Variants in RHCG observed in about 807,000 individuals in gnomAD.
RHCG encodes Rh family C glycoprotein, also known as ammonium transporter Rh type C.
Under a neutral mutation model 55.3 loss-of-function variants are expected in RHCG, and 39 were observed. That is an observed-to-expected ratio of 0.70 (90% CI 0.55 to 0.92). RHCG has a LOEUF of 0.92. RHCG is among the 40% of genes least tolerant of loss of function. The pLI, the probability that RHCG is intolerant of heterozygous loss-of-function variation, is 0.00. For missense variants in RHCG, 635 were observed against 627.9 expected (o/e 1.01, Z -0.12); for synonymous variants, 250 against 246.8 (o/e 1.01, Z -0.12).
intron 1 of RHCG, among the ~76,000 whole-genome samples, chr15:89,491,092 G>T (rs1891259452): frequency 6.6e-6 from 1 of 152,166 alleles, no homozygotes; most frequent in Non-Finnish European, 1.5e-5. Flanking sequence ...TGCTGGCAGG[G>T]GCGAAGCTGA....
rs756585883 is a variant in RHCG, at chr15:89,477,545, C to T, written c.1084G>A (p.Ala362Thr). The T allele has an allele frequency of 4.8e-5, 77 of 1,613,860 alleles. No homozygotes were observed. The highest frequency in any genetic ancestry group is 5.2e-5 in the Non-Finnish European group (61 of 1,180,010). ...TCTTTTCCATAGACTTCAAGGCTGG[C>T]GGAGGCCGCTGTCACAGCACCCACG... ...GIVGAVTAAS[A>T]SLEVYGKEGL... Residue 362 changes from alanine to threonine, a missense_variant, in exon 7 of 11, where the codon GCC (alanine) becomes ACC (threonine). Transcript: ENST00000268122. The surrounding 1 kb of genome is among the most constrained non-coding windows in gnomAD (Gnocchi z 4.5).
intron 1 of RHCG, among the ~76,000 whole-genome samples, chr15:89,494,988 C>A (rs201525412): frequency 3.3e-5 from 5 of 152,230 alleles, no homozygotes; most frequent in African/African-American, 1.2e-4. Context: ...GAAAGTCCCC[C>A]CCTTGAGGAG....
intron 9 of RHCG, among the ~76,000 whole-genome samples, chr15:89,473,769 C>T (rs1961082808): frequency 1.3e-5 from 2 of 152,196 alleles, no homozygotes; most frequent in African/African-American, 4.8e-5. Context: ...GGGACTTGAG[C>T]ATCCCCGCAA....
At position 89,483,192 on chromosome 15, in the gene RHCG, C is replaced by A. The variant is rs768481114; in HGVS notation, c.397G>T (p.Ala133Ser). The A allele has an allele frequency of 3.8e-6, 6 of 1,584,166 alleles. No individual in the cohort carries two copies. In the Admixed American group the frequency reaches 1.0e-4, roughly 27 times the overall value. Residue 133 changes from alanine (A) to serine (S), a missense_variant, in exon 3 of 11, where the codon GCC becomes TCC. Physicochemically the swap from Ala to Ser is moderately conservative, Grantham distance 99. Coordinates refer to ENST00000268122, the MANE Select transcript of RHCG (RefSeq NM_016321.3). ...GCCCCAAAGGCCACGCAGACAGAGG[C>A]CACGCAGAAGTCAGCGTTGATGAGG... is the stretch of plus-strand genomic sequence containing the variant. Reference protein sequence around the residue: ...ENLINADFCVASVCVAFGAVL... With the variant: ...ENLINADFCVSSVCVAFGAVL...
At chr15:89,481,311 A>G (rs753372882) in intron 3 of RHCG, among the ~76,000 whole-genome samples, 1 of 152,150 alleles carries the variant, frequency 6.6e-6, no homozygotes, top group Non-Finnish European at 1.5e-5. Context: ...TTAGCTGAGC[A>G]TGGTGGTGTG....
At chr15:89,493,299 C>T (rs1961509987) in intron 1 of RHCG, among the ~76,000 whole-genome samples, 1 of 152,220 alleles carries the variant, frequency 6.6e-6, no homozygotes, top group Non-Finnish European at 1.5e-5. Flanking sequence ...AGCGGTTCAC[C>T]CAGACCCTGG....
Position 89,477,219 on chromosome 15 carries a change from CA to C in RHCG, c.1113-14del, listed in dbSNP as rs777923947. ...GGAATGGACAAGCCTGGGGTGGAGA[CA>C]GGGGGCAGGTCAGGGCCCCATGGAG... On this transcript the variant is annotated splice_polypyrimidine_tract_variant and intron_variant, in intron 7 of 10. Coordinates refer to ENST00000268122, the MANE Select transcript of RHCG (RefSeq NM_016321.3). This position sits in a 1 kb window ranked among gnomAD's most constrained non-coding sequence, Gnocchi z 4.5. 18 of 1,613,742 alleles carry C rather than the reference CA, an allele frequency of 1.1e-5. No homozygotes were observed. Among genetic ancestry groups the C allele is most frequent in the Non-Finnish European group, 1.4e-5 (17 of 1,179,944 alleles).
chr15:89,474,768 T>TCCTTCCTTCCTGCCTG, intron 9 of RHCG, among the ~76,000 whole-genome samples: 1 of 118,458 alleles, frequency 8.4e-6, no homozygotes, highest in South Asian at 2.5e-4. Context: ...CTTCCTGCCT[T>TCCTTCCTTCCTGCCTG]CCTTCCTTCC....
chr15:89,486,651 T>TCTCAAG, intron 2 of RHCG, 148 bp downstream of exon 2: 1 of 671,784 alleles, frequency 1.5e-6, no homozygotes, highest in Non-Finnish European at 2.7e-6. Flanking sequence ...TGTATCTGTC[T>TCTCAAG]CGCAAGCCCA....
intron 1 of RHCG, among the ~76,000 whole-genome samples, chr15:89,495,096 A>G (rs1961542038): frequency 6.6e-6 from 1 of 152,212 alleles, no homozygotes; most frequent in Non-Finnish European, 1.5e-5. Context: ...AATGGAGCCC[A>G]GGAGAAACTG....
chr15:89,479,623 T>G, intron 4 of RHCG, 135 bp from the exon 5 acceptor site: 1 of 782,610 alleles, frequency 1.3e-6, no homozygotes, highest in Non-Finnish European at 2.0e-6. Context: ...GCAGCTTTAG[T>G]CATGCAGGGG....
At chr15:89,487,051 G>A (rs2141898727) in intron 1 of RHCG, 66 bp from the exon 2 acceptor site, 1 of 1,412,840 alleles carries the variant, frequency 7.1e-7, no homozygotes, top group East Asian at 2.6e-5. Context: ...CTGGGTCTGG[G>A]CCAGGAAGGC....
Position 89,477,640 on chromosome 15 carries a change from G to T in RHCG, c.989C>A (p.Ser330Tyr). ...GFVYLTPFLE[S>Y]RLHIQDTCGI... Reference sequence around the variant, plus strand: ...ACATGTGTCCTGGATGTGCAGCCGGGACTCCAGGAATGGCTGGAGACGGGA... The same window carrying T: ...ACATGTGTCCTGGATGTGCAGCCGGTACTCCAGGAATGGCTGGAGACGGGA... The change falls in exon 7 of 11, where the codon TCC becomes TAC. Residue 330 changes from serine (S) to tyrosine (Y), a missense_variant. Transcript: ENST00000268122. The surrounding 1 kb of genome is among the most constrained non-coding windows in gnomAD (Gnocchi z 4.5). 6.2e-7 allele frequency: 1 copy of T among 1,614,072 alleles called. No individual in the cohort carries two copies. The highest frequency in any genetic ancestry group is 8.5e-7 in the Non-Finnish European group (1 of 1,180,020).
intron 1 of RHCG, among the ~76,000 whole-genome samples, chr15:89,489,182 C>T (rs1027651957): frequency 6.6e-6 from 1 of 152,180 alleles, no homozygotes; most frequent in African/African-American, 2.4e-5. Flanking sequence ...GTGGCACAAT[C>T]TCAGCTCACT....
intron 1 of RHCG, among the ~76,000 whole-genome samples, chr15:89,487,858 G>A (rs1961403331): frequency 6.6e-6 from 1 of 152,198 alleles, no homozygotes; most frequent in Admixed American, 6.5e-5. Context: ...CTAATTCTGA[G>A]TTCTGACCCA....
chr15:89,476,991 C>G (rs1961162711), intron 8 of RHCG, 91 bp downstream of exon 8: 2 of 1,587,048 alleles, frequency 1.3e-6, no homozygotes, highest in Non-Finnish European at 1.7e-6. Flanking sequence ...CCTGGGGGCT[C>G]AGGCTGACCT....
intron 8 of RHCG, 114 bp downstream of exon 8, chr15:89,476,968 G>A (rs1961162115): frequency 6.4e-7 from 1 of 1,552,986 alleles, no homozygotes; most frequent in East Asian, 2.2e-5. Flanking sequence ...CAGAAGTGCA[G>A]AGATCAGGGA....
rs1356585656 is a variant in RHCG, at chr15:89,476,783, T to C, written c.1283A>G (p.Asn428Ser). The change falls in exon 9 of 11, where the codon AAC becomes AGC. Residue 428 changes from asparagine to serine, a missense_variant. Coordinates refer to ENST00000268122, the MANE Select transcript of RHCG (RefSeq NM_016321.3). The part of the protein sequence containing the change: ...LPFWGQPSDE[N>S]CFEDAVYWEM... ...CCAGTAGACCGCATCCTCAAAGCAG[T>C]TCTCATCTGAAGGTTGTCCCCAGAA... 6.2e-7 allele frequency: 1 copy of C among 1,614,134 alleles called. No individual in the cohort carries two copies. The highest frequency in any genetic ancestry group is 1.1e-5 in the South Asian group (1 of 91,082).
At position 89,476,790 on chromosome 15, in the gene RHCG, C is replaced by A. The variant is rs761076366; in HGVS notation, c.1276G>T (p.Asp426Tyr). The change falls in exon 9 of 11, where the codon GAT becomes TAT. Residue 426 changes from aspartate (D) to tyrosine (Y), a missense_variant. Transcript: ENST00000268122. The stretch of plus-strand genomic sequence containing the variant: ...ACCGCATCCTCAAAGCAGTTCTCAT[C>A]TGAAGGTTGTCCCCAGAATGGTAAT... The part of the protein sequence containing the change: ...LRLPFWGQPS[D>Y]ENCFEDAVYW... 1.6e-5 allele frequency: 26 copies of A among 1,614,070 alleles called. No individual in the cohort carries two copies. Among genetic ancestry groups the A allele is most frequent in the South Asian group, 1.2e-4 (11 of 91,086 alleles).
Sources: gnomAD v4.1 joint callset for allele counts (sites outside exome capture counted in the v4.1 genomes callset) on GRCh38, gnomAD v4.1.1 for gene constraint, Gnocchi (gnomAD v3.1) non-coding constraint, MANE v1.5 for transcripts, NCBI Gene and HGNC (gene_info 2026-07-23, HGNC 2026-07-21) for gene names.